The following SLCO1B1 variants were observed in gnomAD, a reference collection of about 807,000 sequenced individuals.
SLCO1B1 encodes solute carrier organic anion transporter family member 1B1, also known as OATP-2.
A neutral mutation model predicts 70.1 loss-of-function variants in SLCO1B1; 81 were observed. The observed-to-expected ratio is 1.16, with a 90% CI of 0.97 to 1.39. The LOEUF (loss-of-function observed/expected upper bound fraction) is 1.39, where lower values mean the gene tolerates loss of function less well. SLCO1B1 is among the 40% of genes most tolerant of loss of function. The pLI is 0.00. For missense variants in SLCO1B1, 895 were observed against 799.6 expected (o/e 1.12, Z -1.44); for synonymous variants, 283 against 271.5 (o/e 1.04, Z -0.42).
At chr12:21,176,587 C>T (rs1376294856) in intron 4 of SLCO1B1, among the ~76,000 whole-genome samples, 189 bp from the exon 5 acceptor site, 2 of 152,100 alleles carry the variant, frequency 1.3e-5, no homozygotes, top group African/African-American at 4.8e-5. Flanking sequence ...ATCTTTCTTG[C>T]TGGACACTTC....
chr12:21,207,928 G>C (rs1278961588), intron 11 of SLCO1B1, among the ~76,000 whole-genome samples: 1 of 151,834 alleles, frequency 6.6e-6, no homozygotes, highest in Non-Finnish European at 1.5e-5. Flanking sequence ...TTTGTTAGCT[G>C]CTTGTATGTC....
intron 1 of SLCO1B1, among the ~76,000 whole-genome samples, chr12:21,140,906 T>C (rs1940298890): frequency 6.6e-6 from 1 of 151,932 alleles, no homozygotes; most frequent in Admixed American, 6.6e-5. Flanking sequence ...AAAATCAAAA[T>C]AAAGTAACAT....
intron 2 of SLCO1B1, among the ~76,000 whole-genome samples, chr12:21,163,673 A>G (rs147297514): frequency 2.0e-5 from 3 of 152,268 alleles, no homozygotes; most frequent in African/African-American, 7.2e-5. Context: ...CTTTCCTGAC[A>G]TGGCTAAAAG....
chr12:21,145,715 T>C (rs1164608930), intron 2 of SLCO1B1, among the ~76,000 whole-genome samples: 2 of 152,088 alleles, frequency 1.3e-5, no homozygotes, highest in Non-Finnish European at 2.9e-5. Context: ...TTTGGAATTA[T>C]GTGACTTCTA....
chr12:21,195,890 T>A (rs1281138685), intron 7 of SLCO1B1, among the ~76,000 whole-genome samples: 1 of 152,186 alleles, frequency 6.6e-6, no homozygotes, highest in Non-Finnish European at 1.5e-5. Flanking sequence ...CAGTTTTGGA[T>A]GTGCAGTCTC....
intron 13 of SLCO1B1, among the ~76,000 whole-genome samples, chr12:21,222,999 G>C (rs1422074975): frequency 1.3e-5 from 2 of 152,144 alleles, no homozygotes; most frequent in Non-Finnish European, 2.9e-5. Flanking sequence ...GTTCCGTTTT[G>C]TGTGTCTCTA....
chr12:21,148,778 A>G (rs181843292), intron 2 of SLCO1B1, among the ~76,000 whole-genome samples: 35 of 144,402 alleles, frequency 2.4e-4, no homozygotes, highest in Non-Finnish European at 4.3e-4. Flanking sequence ...TGGTAGCTTG[A>G]TGGGGATAGC....
intron 7 of SLCO1B1, 67 bp from the exon 8 acceptor site, chr12:21,196,879 A>T: frequency 6.7e-7 from 1 of 1,492,294 alleles, no homozygotes; most frequent in Non-Finnish European, 9.3e-7. Context: ...TCTTCATACC[A>T]TTATTTCCCT....
chr12:21,239,348 ACTGTAGGT>A lies in SLCO1B1; in HGVS notation c.*160_*167del. ...AGCCTATGAACTTATAATAAAACAA[ACTGTAGGT>A]AGAAAAAATGAGAGTACTCATTGTT... is the stretch of plus-strand genomic sequence containing the variant. On this transcript the variant is annotated 3_prime_UTR_variant, in exon 15 of 15. Coordinates refer to ENST00000256958, the MANE Select transcript of SLCO1B1 (RefSeq NM_006446.5). The A allele has an allele frequency of 1.5e-6, 1 of 653,758 alleles. No individual in the cohort carries two copies. The highest frequency in any genetic ancestry group is 2.4e-5 in the Admixed American group (1 of 42,332). The allele number at this position is 653,758 out of a possible 1,614,324, so 40.5% of individuals were successfully genotyped here. A position where few individuals can be genotyped will look rare whatever the true frequency, so the allele number is the denominator to read the frequency against.
intron 2 of SLCO1B1, among the ~76,000 whole-genome samples, chr12:21,141,954 T>C (rs1166025363): frequency 1.3e-5 from 2 of 151,640 alleles, no homozygotes; most frequent in East Asian, 3.9e-4. Flanking sequence ...GGAATGTGAT[T>C]AAAATAAAAA....
intron 12 of SLCO1B1, among the ~76,000 whole-genome samples, chr12:21,220,915 A>C (rs577804922): frequency 1.3e-5 from 2 of 152,246 alleles, no homozygotes; most frequent in African/African-American, 4.8e-5. Flanking sequence ...CCGATGGCAC[A>C]TAAGAAAAAT....
chr12:21,193,696 C>G (rs996180899), intron 7 of SLCO1B1, among the ~76,000 whole-genome samples: 8 of 152,162 alleles, frequency 5.3e-5, no homozygotes, highest in Non-Finnish European at 1.2e-4. Context: ...TTTCTTTGCT[C>G]TCATATCTGA....
At chr12:21,202,337 T>C (rs987149917) in intron 9 of SLCO1B1, among the ~76,000 whole-genome samples, 154 bp from the exon 10 acceptor site, 1 of 152,148 alleles carries the variant, frequency 6.6e-6, no homozygotes, top group African/African-American at 2.4e-5. Context: ...GTAACAAACA[T>C]GCACATTCTG....
At chr12:21,184,908 C>T (rs543278824) in intron 7 of SLCO1B1, among the ~76,000 whole-genome samples, 23 of 152,078 alleles carry the variant, frequency 1.5e-4, no homozygotes, top group East Asian at 1.4e-3. Context: ...AGTAAAGGAA[C>T]GGAAAGAGAT....
At chr12:21,147,008 G>A (rs906412285) in intron 2 of SLCO1B1, among the ~76,000 whole-genome samples, 1 of 152,082 alleles carries the variant, frequency 6.6e-6, no homozygotes, top group African/African-American at 2.4e-5. Context: ...TCCATTTCTA[G>A]AGAGATGTAG....
At chr12:21,236,801 T>G (rs1941600052) in intron 14 of SLCO1B1, among the ~76,000 whole-genome samples, 1 of 152,206 alleles carries the variant, frequency 6.6e-6, no homozygotes, top group African/African-American at 2.4e-5. Context: ...ATCTTCTTTC[T>G]GAGGAGAACT....
At chr12:21,190,981 C>A (rs979865798) in intron 7 of SLCO1B1, among the ~76,000 whole-genome samples, 5 of 151,838 alleles carry the variant, frequency 3.3e-5, no homozygotes, top group African/African-American at 1.2e-4. Context: ...TTTATTGTCT[C>A]TGTTCTGTTC....
chr12:21,191,532 T>A (rs2121130375), intron 7 of SLCO1B1, among the ~76,000 whole-genome samples: 1 of 152,246 alleles, frequency 6.6e-6, no homozygotes, highest in East Asian at 1.9e-4. Flanking sequence ...TGTGTGTGCA[T>A]GTGTCATCTT....
intron 11 of SLCO1B1, among the ~76,000 whole-genome samples, chr12:21,216,810 A>G (rs1941362944): frequency 6.6e-6 from 1 of 152,160 alleles, no homozygotes; most frequent in Non-Finnish European, 1.5e-5. Context: ...ATGGAAAATA[A>G]TTATTAAAGA....
Sources: gnomAD v4.1 joint callset for allele counts (sites outside exome capture counted in the v4.1 genomes callset) on GRCh38, gnomAD v4.1.1 for gene constraint, MANE v1.5 for transcripts, NCBI Gene and HGNC (gene_info 2026-07-23, HGNC 2026-07-21) for gene names.